The following R3HDM2 variants were observed in gnomAD, a reference collection of about 807,000 sequenced individuals.
R3HDM2 encodes the protein R3H domain containing 2, also known as R3H domain-containing protein 2.
Under a neutral mutation model 124.5 loss-of-function variants are expected in R3HDM2, and 38 were observed. The observed-to-expected ratio is 0.31, with a 90% CI of 0.24 to 0.40. The LOEUF is 0.40. Among genes scored for constraint, R3HDM2 ranks in the 10% least tolerant of loss-of-function variants. R3HDM2 has a pLI of 1.00. For missense variants in R3HDM2, 869 were observed against 1,236.9 expected (o/e 0.70, Z 4.46); for synonymous variants, 391 against 448.0 (o/e 0.87, Z 1.61).
chr12:57,380,018 A>G (rs1049728131), intron 2 of R3HDM2, among the ~76,000 whole-genome samples: 3 of 152,224 alleles, frequency 2.0e-5, no homozygotes, highest in Non-Finnish European at 4.4e-5. Flanking sequence ...TAATCTCACC[A>G]GAGAGAATTA....
chr12:57,345,402 T>TA (rs1330864220), intron 2 of R3HDM2, among the ~76,000 whole-genome samples: 2 of 151,742 alleles, frequency 1.3e-5, no homozygotes, highest in East Asian at 3.9e-4. Flanking sequence ...ACCTAACAGC[T>TA]AAACACAAAA....
chr12:57,397,581 C>T (rs1234085337), intron 1 of R3HDM2, among the ~76,000 whole-genome samples: 4 of 152,086 alleles, frequency 2.6e-5, no homozygotes, highest in East Asian at 1.9e-4. Context: ...GCTAAAGTTG[C>T]GAAGGAATGG....
At chr12:57,378,348 T>G (rs2064364629) in intron 2 of R3HDM2, among the ~76,000 whole-genome samples, 1 of 152,104 alleles carries the variant, frequency 6.6e-6, no homozygotes, top group Non-Finnish European at 1.5e-5. Context: ...AGGATTTGCT[T>G]TCATGGATTC....
At chr12:57,308,966 T>A (rs537954018) in intron 3 of R3HDM2, among the ~76,000 whole-genome samples, 2 of 152,266 alleles carry the variant, frequency 1.3e-5, no homozygotes, top group African/African-American at 4.8e-5. Flanking sequence ...TCTGGAAGAA[T>A]GGGCAGGGAA....
chr12:57,376,266 C>T (rs1433928228), intron 2 of R3HDM2, among the ~76,000 whole-genome samples: 1 of 152,256 alleles, frequency 6.6e-6, no homozygotes, highest in African/African-American at 2.4e-5. Context: ...CCCAGGTTTT[C>T]CTGCCTAAGC....
intron 9 of R3HDM2, chr12:57,295,741 G>C: frequency 4.1e-6 from 2 of 488,400 alleles, no homozygotes; most frequent in South Asian, 2.8e-5. Context: ...GAAGTGAAGA[G>C]AGGCTAGGGC....
intron 14 of R3HDM2, chr12:57,272,517 T>A: frequency 6.5e-7 from 1 of 1,548,430 alleles, no homozygotes; most frequent in Non-Finnish European, 8.7e-7. Context: ...TGGAGAGAAC[T>A]GAACAGGCTG....
intron 1 of R3HDM2, among the ~76,000 whole-genome samples, chr12:57,409,268 T>C (rs2068795122): frequency 6.6e-6 from 1 of 152,116 alleles, no homozygotes; most frequent in South Asian, 2.1e-4. Context: ...ATTAAGTTTT[T>C]ACTCTAGTAA....
intron 21 of R3HDM2, among the ~76,000 whole-genome samples, chr12:57,257,364 C>T (rs998389047): frequency 2.6e-5 from 4 of 152,164 alleles, no homozygotes; most frequent in African/African-American, 9.7e-5. Context: ...ATGCCTGGTA[C>T]ATATTAAGTA....
At chr12:57,281,416 G>A (rs1223127155) in intron 13 of R3HDM2, among the ~76,000 whole-genome samples, 1 of 151,946 alleles carries the variant, frequency 6.6e-6, no homozygotes, top group Non-Finnish European at 1.5e-5. Flanking sequence ...TTTACTATGT[G>A]CCAAGCACTG....
chr12:57,263,124 A>G (rs1321871740), intron 19 of R3HDM2, among the ~76,000 whole-genome samples: 1 of 152,154 alleles, frequency 6.6e-6, no homozygotes, highest in East Asian at 1.9e-4. Flanking sequence ...AATTCTTTTC[A>G]CTTGATTTGT....
chr12:57,393,856 T>C (rs921705108), intron 2 of R3HDM2, among the ~76,000 whole-genome samples: 7 of 152,206 alleles, frequency 4.6e-5, no homozygotes, highest in Non-Finnish European at 8.8e-5. Flanking sequence ...TAACACATAT[T>C]TTTCATCAGA....
chr12:57,390,733 T>G (rs2066540601), intron 2 of R3HDM2, among the ~76,000 whole-genome samples: 1 of 151,418 alleles, frequency 6.6e-6, no homozygotes, highest in African/African-American at 2.4e-5. Context: ...ATTACCAGGC[T>G]GGGTGAGGTG....
At chr12:57,385,669 G>A in intron 2 of R3HDM2, among the ~76,000 whole-genome samples, 1 of 151,740 alleles carries the variant, frequency 6.6e-6, no homozygotes, top group Non-Finnish European at 1.5e-5. Flanking sequence ...CTCCAGCCTG[G>A]GCAACACAGC....
chr12:57,342,248 A>G (rs1403635791), intron 2 of R3HDM2, among the ~76,000 whole-genome samples: 1 of 152,138 alleles, frequency 6.6e-6, no homozygotes, highest in Non-Finnish European at 1.5e-5. Flanking sequence ...GTTCTGCCGG[A>G]ATTTTGCCGG....
intron 1 of R3HDM2, among the ~76,000 whole-genome samples, chr12:57,399,766 C>T (rs558841907): frequency 7.2e-5 from 11 of 152,266 alleles, no homozygotes; most frequent in African/African-American, 2.6e-4. Flanking sequence ...TGTCATTATA[C>T]TAAAAGTGAC....
rs759565941 is a variant in R3HDM2 at position 57,353,327 on chromosome 12, TAG to T, written c.-36+42420_-36+42421del. ...AGAAAACTTGCCAAAGACTAAAAAT[TAG>T]AAACTCAAATGACTAATAATAAAGA... On this transcript the variant is annotated intron_variant, in intron 2 of 23. Transcript: ENST00000402412. Among the ~76,000 whole-genome samples, 6 of 152,124 alleles carry T rather than the reference TAG, an allele frequency of 3.9e-5. No individual in the cohort carries two copies. In the East Asian group the frequency reaches 1.2e-3, roughly 29 times the overall value.
At chr12:57,376,262 T>C (rs1362639858) in intron 2 of R3HDM2, among the ~76,000 whole-genome samples, 1 of 152,206 alleles carries the variant, frequency 6.6e-6, no homozygotes, top group African/African-American at 2.4e-5. Flanking sequence ...AGATCCCAGG[T>C]TTTCCTGCCT....
At chr12:57,430,489 G>GCCCCCCCC in intron 1 of R3HDM2, 7 of 790,578 alleles carry the variant, frequency 8.9e-6, no homozygotes, top group Non-Finnish European at 7.7e-6. Flanking sequence ...CCACCCCCCT[G>GCCCCCCCC]CCCCCGCACC....
Sources: gnomAD v4.1 joint callset for allele counts (sites outside exome capture counted in the v4.1 genomes callset) on GRCh38, gnomAD v4.1.1 for gene constraint, MANE v1.5 for transcripts, NCBI Gene and HGNC (gene_info 2026-07-23, HGNC 2026-07-21) for gene names.